MACROD2: variants seen among roughly 807,000 people sequenced by gnomAD.
The protein encoded by MACROD2 is mono-ADP ribosylhydrolase 2.
In MACROD2, 36 loss-of-function variants were observed where a neutral mutation model predicts 70.4. The observed-to-expected ratio is 0.51, with a 90% confidence interval of 0.39 to 0.68. The LOEUF (loss-of-function observed/expected upper bound fraction) is 0.68, where lower values mean the gene tolerates loss of function less well. Among genes scored for constraint, MACROD2 ranks in the 30% least tolerant of loss-of-function variants. The probability of loss-of-function intolerance (pLI) is 0.00; values close to 1 mark genes in which losing one functional copy is unlikely to be tolerated. For missense variants in MACROD2, 496 were observed against 538.4 expected, an observed-to-expected ratio of 0.92 and a Z score of 0.78; for synonymous variants, 172 against 178.8, an observed-to-expected ratio of 0.96 and a Z score of 0.30.
chr20:14,326,678 C>G lies in MACROD2; in HGVS notation c.272-166801C>G. 6.2e-7 allele frequency: 1 copy of G among 1,613,726 alleles called. No individual in the cohort carries two copies. The highest frequency in any genetic ancestry group is 8.5e-7 in the Non-Finnish European group (1 of 1,179,812). ...TTACTTAGGTTATTATTGGACATAT[C>G]CAGTCGATAGAGCTGCCTTAGATAA... On this transcript the variant is annotated intron_variant, in intron 3 of 17. Transcript: ENST00000684519. This position sits in a 1 kb window ranked among gnomAD's most constrained non-coding sequence, Gnocchi z 5.5.
intron 10 of MACROD2, among the ~76,000 whole-genome samples, chr20:15,914,359 G>A (rs548369394): frequency 1.4e-4 from 21 of 152,278 alleles, no homozygotes; most frequent in African/African-American, 3.1e-4. Flanking sequence ...GTTGTTTTCC[G>A]AATGCTGAAA....
intron 8 of MACROD2, among the ~76,000 whole-genome samples, chr20:15,609,176 G>A (rs954070407): frequency 2.0e-5 from 3 of 152,152 alleles, no homozygotes; most frequent in Non-Finnish European, 2.9e-5. Context: ...GCTCTGGGAT[G>A]GAGCTTATTA....
chr20:14,398,270 TGGGATTTC>T (rs2083601168), intron 3 of MACROD2, among the ~76,000 whole-genome samples: 1 of 152,164 alleles, frequency 6.6e-6, no homozygotes, highest in Non-Finnish European at 1.5e-5. Flanking sequence ...TACCTATTAA[TGGGATTTC>T]TGGATTATAT....
chr20:15,369,826 T>C (rs1368464554), intron 6 of MACROD2, among the ~76,000 whole-genome samples: 5 of 152,096 alleles, frequency 3.3e-5, no homozygotes, highest in Admixed American at 3.3e-4. Context: ...AAATCATAAA[T>C]GAGTATAGGA....
chr20:15,624,676 C>T (rs1267619570), intron 8 of MACROD2, among the ~76,000 whole-genome samples: 1 of 152,144 alleles, frequency 6.6e-6, no homozygotes, highest in Non-Finnish European at 1.5e-5. Context: ...TAGTGGCAAA[C>T]AATGACAGAG....
chr20:15,043,985 AC>A (rs2075374270), intron 5 of MACROD2, among the ~76,000 whole-genome samples: 1 of 152,066 alleles, frequency 6.6e-6, no homozygotes, highest in Non-Finnish European at 1.5e-5. Flanking sequence ...TGTGCTCAGC[AC>A]CCCTGAAACT....
At chr20:14,413,941 T>A (rs549634483) in intron 3 of MACROD2, among the ~76,000 whole-genome samples, 1 of 152,088 alleles carries the variant, frequency 6.6e-6, no homozygotes, top group African/African-American at 2.4e-5. Context: ...TGGTACAAAT[T>A]GATTATAAAT....
intron 3 of MACROD2, among the ~76,000 whole-genome samples, chr20:14,462,952 T>C (rs1275762127): frequency 2.0e-5 from 3 of 152,120 alleles, no homozygotes; most frequent in African/African-American, 7.3e-5. Context: ...GTAGTATAGT[T>C]TGAAGTCAGG....
chr20:15,850,468 G>A (rs896373514), intron 8 of MACROD2, among the ~76,000 whole-genome samples: 5 of 152,202 alleles, frequency 3.3e-5, no homozygotes, highest in Non-Finnish European at 7.3e-5. Flanking sequence ...TTAGACCCAC[G>A]GGAACATGAA....
At chr20:15,491,457 G>C (rs73614418) in intron 7 of MACROD2, among the ~76,000 whole-genome samples, 2 of 152,214 alleles carry the variant, frequency 1.3e-5, no homozygotes. Flanking sequence ...AAAGGCAGGG[G>C]TTTGTGTGTA....
intron 13 of MACROD2, among the ~76,000 whole-genome samples, chr20:15,984,962 T>A (rs1601275761): frequency 6.6e-6 from 1 of 152,152 alleles, no homozygotes; most frequent in East Asian, 1.9e-4. Flanking sequence ...TAACTGTCTA[T>A]GTACGGAAAC....
At chr20:14,371,211 G>A (rs1292183478) in intron 3 of MACROD2, among the ~76,000 whole-genome samples, 1 of 152,144 alleles carries the variant, frequency 6.6e-6, no homozygotes, top group Non-Finnish European at 1.5e-5. Context: ...TTTGCCAGGT[G>A]TGGTGGCTCA....
intron 8 of MACROD2, among the ~76,000 whole-genome samples, chr20:15,575,606 A>G (rs1320452839): frequency 1.3e-5 from 2 of 152,178 alleles, no homozygotes; most frequent in East Asian, 1.9e-4. Context: ...CAACTTTTCT[A>G]TAGCACTGAT....
chr20:15,621,148 T>C (rs981957354), intron 8 of MACROD2, among the ~76,000 whole-genome samples: 5 of 152,166 alleles, frequency 3.3e-5, no homozygotes, highest in African/African-American at 9.7e-5. Context: ...GGCTGAACTT[T>C]TAGGCTGCAT....
At chr20:15,247,465 A>G (rs933805111) in intron 6 of MACROD2, among the ~76,000 whole-genome samples, 1 of 152,222 alleles carries the variant, frequency 6.6e-6, no homozygotes, top group African/African-American at 2.4e-5. Context: ...AGAGTTATAT[A>G]AATTACACAC....
intron 3 of MACROD2, among the ~76,000 whole-genome samples, chr20:14,389,614 A>G (rs2122798307): frequency 6.6e-6 from 1 of 152,276 alleles, no homozygotes; most frequent in African/African-American, 2.4e-5. Context: ...GGGCAACGGG[A>G]GCTGGCTATG....
At chr20:14,904,074 A>T (rs936919042) in intron 5 of MACROD2, among the ~76,000 whole-genome samples, 1 of 152,156 alleles carries the variant, frequency 6.6e-6, no homozygotes, top group African/African-American at 2.4e-5. Flanking sequence ...CACTGGACTC[A>T]TGGGAGGGAC....
rs183983038 is a variant in MACROD2 at position 15,246,626 on chromosome 20, C to T, written c.540+16565C>T. ...AAACTCTTAACCACTGCAGTGGATGCGTAAGATGATATAGTTGTGGAAAAC... is the reference window on the plus strand; with the variant it reads ...AAACTCTTAACCACTGCAGTGGATGTGTAAGATGATATAGTTGTGGAAAAC... On this transcript the variant is annotated intron_variant, in intron 6 of 17. Coordinates refer to ENST00000684519, the MANE Select transcript of MACROD2 (RefSeq NM_001351661.2). Among the ~76,000 whole-genome samples the T allele has an allele frequency of 1.5e-3, 221 of 152,046 alleles. 1 individual carries two copies. The highest frequency in any genetic ancestry group is 5.1e-3 in the African/African-American group (213 of 41,498).
At chr20:14,444,690 C>T (rs927287722) in intron 3 of MACROD2, among the ~76,000 whole-genome samples, 1 of 151,970 alleles carries the variant, frequency 6.6e-6, no homozygotes, top group African/African-American at 2.4e-5. Flanking sequence ...CTTGAATATC[C>T]AACTCCACAT....
Sources: allele counts gnomAD v4.1 joint callset (sites outside exome capture counted in the v4.1 genomes callset), GRCh38; gene constraint gnomAD v4.1.1; non-coding constraint Gnocchi (gnomAD v3.1); transcripts MANE v1.5; gene names NCBI Gene and HGNC (gene_info 2026-07-23, HGNC 2026-07-21).